Variants in B9D1 observed in about 807,000 individuals in gnomAD.
B9D1 encodes the protein B9 domain-containing protein 1.
In B9D1, 20 loss-of-function variants were observed where a neutral mutation model predicts 26.1. That is an observed-to-expected ratio of 0.77 (90% CI 0.54 to 1.12). The LOEUF is 1.12. B9D1 is among the 50% of genes most tolerant of loss of function. The probability of loss-of-function intolerance (pLI) is 0.00; values close to 1 mark genes in which losing one functional copy is unlikely to be tolerated. For missense variants in B9D1, 260 were observed against 273.7 expected, an observed-to-expected ratio of 0.95 and a Z score of 0.35; for synonymous variants, 105 against 103.1, an observed-to-expected ratio of 1.02 and a Z score of -0.11.
At chr17:19,360,681 C>A (rs1910936014) in intron 1 of B9D1, among the ~76,000 whole-genome samples, 1 of 152,188 alleles carries the variant, frequency 6.6e-6, no homozygotes, top group African/African-American at 2.4e-5. Flanking sequence ...CTTCAGGGAG[C>A]CTGCTCTAAC....
chr17:19,376,736 G>A (rs1030627615), intron 1 of B9D1, among the ~76,000 whole-genome samples: 1 of 148,188 alleles, frequency 6.7e-6, no homozygotes, highest in African/African-American at 2.5e-5. Context: ...GCAGTGAGCC[G>A]AGATCGCACC....
At position 19,370,859 on chromosome 17, in the gene B9D1, G is replaced by A. The variant is rs149433274; in HGVS notation, c.-298+7000C>T. 4.6e-3 allele frequency among the ~76,000 whole-genome samples: 695 copies of A among 152,298 alleles called. 3 individuals are homozygous for A. Among genetic ancestry groups the A allele is most frequent in the Non-Finnish European group, 7.6e-3 (515 of 68,008 alleles). ...CAGTCCCTTTCCCACGGGGAGGGCCGCATGCAAATGCCACACTGAGCTGAG... is the reference window on the plus strand; with the variant it reads ...CAGTCCCTTTCCCACGGGGAGGGCCACATGCAAATGCCACACTGAGCTGAG... On this transcript the variant is annotated intron_variant, in intron 1 of 5. Coordinates refer to the B9D1 transcript ENST00000477478. This position sits in a 1 kb window ranked among gnomAD's most constrained non-coding sequence, Gnocchi z 5.1.
In B9D1 at chr17:19,362,620, A is replaced by C. The variant is rs780359127; in HGVS notation, c.-51T>G. The stretch of plus-strand genomic sequence containing the variant: ...CCCACCTAGGCCGCGCGCGGTTGCT[A>C]AGAGACGCCGGCGTTGCCCTAGAAA... On this transcript the variant is annotated 5_prime_UTR_variant, in exon 1 of 7. Coordinates refer to ENST00000261499, the MANE Select transcript of B9D1 (RefSeq NM_015681.6). 3 of 1,569,708 alleles carry C rather than the reference A, an allele frequency of 1.9e-6. No homozygotes were observed. The African/African-American group carries it at 4.0e-5, about 21-fold the overall frequency.
downstream of B9D1, among the ~76,000 whole-genome samples, chr17:19,341,738 A>G (rs1907988254): frequency 6.6e-6 from 1 of 152,224 alleles, no homozygotes; most frequent in Admixed American, 6.5e-5. Flanking sequence ...GGTGCAGGGC[A>G]GGCGAAGGAA....
upstream of B9D1, among the ~76,000 whole-genome samples, chr17:19,366,299 A>G (rs999627139): frequency 2.3e-4 from 35 of 152,140 alleles, no homozygotes; most frequent in African/African-American, 8.4e-4. Context: ...GGCATCCTGC[A>G]TACAGACTTG....
chr17:19,357,515 GA>G, intron 3 of B9D1: 6 of 411,952 alleles, frequency 1.5e-5, no homozygotes, highest in South Asian at 1.3e-4. Flanking sequence ...AGCAGGCACA[GA>G]GTCAGGCCTC....
intron 3 of B9D1, among the ~76,000 whole-genome samples, chr17:19,349,127 T>C (rs892748389): frequency 5.3e-5 from 8 of 152,224 alleles, no homozygotes; most frequent in African/African-American, 1.2e-4. Flanking sequence ...CCAGCAGTGG[T>C]ATCTGATTCC....
intron 3 of B9D1, among the ~76,000 whole-genome samples, chr17:19,348,978 T>C (rs1909229519): frequency 6.6e-6 from 1 of 152,178 alleles, no homozygotes; most frequent in African/African-American, 2.4e-5. Flanking sequence ...CTGAGCACCA[T>C]GGCGCAGGCT....
intron 1 of B9D1, among the ~76,000 whole-genome samples, chr17:19,369,112 T>C (rs182065894): frequency 6.6e-6 from 1 of 152,272 alleles, no homozygotes; most frequent in East Asian, 1.9e-4. Context: ...ACATGAAGCA[T>C]GGCAAAGAGC....
chr17:19,376,181 A>C (rs1009619966), intron 1 of B9D1, among the ~76,000 whole-genome samples: 1 of 152,236 alleles, frequency 6.6e-6, no homozygotes, highest in Non-Finnish European at 1.5e-5. Flanking sequence ...GACAGAAAGT[A>C]GTTCAGTGGT....
In B9D1 at chr17:19,347,012, AG is replaced by A; in HGVS notation, c.404+256del. ...ATGAGCATTTTTCCCATCTGACAAG[AG>A]TTTTTCCTCTGCTCCCTCAGACACA... On this transcript the variant is annotated intron_variant, in intron 5 of 6. Transcript: ENST00000261499. The surrounding 1 kb of genome is among the most constrained non-coding windows in gnomAD (Gnocchi z 4.3). 1 of 1,541,986 alleles carries A rather than the reference AG, an allele frequency of 6.5e-7. No individual in the cohort carries two copies. The highest frequency in any genetic ancestry group is 1.2e-5 in the South Asian group (1 of 82,946).
At chr17:19,371,422 G>A (rs569166946) in intron 1 of B9D1, 4 of 152,336 alleles carry the variant, frequency 2.6e-5, no homozygotes, top group African/African-American at 9.6e-5. Context: ...CAGCCTTGGC[G>A]AGATTCCTTC....
intron 2 of B9D1, among the ~76,000 whole-genome samples, chr17:19,358,645 C>A (rs1355354948): frequency 6.6e-6 from 1 of 152,212 alleles, no homozygotes; most frequent in Non-Finnish European, 1.5e-5. Context: ...CTGGGTCTCT[C>A]CACTGCACAG....
rs926653216 is a variant in B9D1, at chr17:19,370,135, T to A, written c.-298+7724A>T. Among the ~76,000 whole-genome samples the A allele has an allele frequency of 1.1e-4, 17 of 152,242 alleles. No individual in the cohort carries two copies. Among genetic ancestry groups the A allele is most frequent in the Non-Finnish European group, 2.5e-4 (17 of 68,044 alleles). On this transcript the variant is annotated intron_variant, in intron 1 of 5. Transcript: ENST00000477478. The surrounding 1 kb of genome is among the most constrained non-coding windows in gnomAD (Gnocchi z 5.1). The stretch of plus-strand genomic sequence containing the variant: ...CACCGACGGCCACCTCCCATCGCCC[T>A]TTCATTCTTCATGGGCAGGGCCTTG...
chr17:19,365,974 C>T (rs868175893), upstream of B9D1, among the ~76,000 whole-genome samples: 1 of 151,568 alleles, frequency 6.6e-6, no homozygotes, highest in South Asian at 2.1e-4. The surrounding 1 kb of genome is among the most constrained non-coding windows in gnomAD (Gnocchi z 5.0). Flanking sequence ...ACATGCTGTT[C>T]CTTCTACCTA....
Position 19,372,859 on chromosome 17 carries a change from A to G in B9D1, c.-298+5000T>C, listed in dbSNP as rs982734066. ...CTCGGACAATTCACCTGCGCTCCTCAAAGTTTTTAACCACACCCACTCTTG... is the reference window on the plus strand; with the variant it reads ...CTCGGACAATTCACCTGCGCTCCTCGAAGTTTTTAACCACACCCACTCTTG... On this transcript the variant is annotated intron_variant, in intron 1 of 5. Coordinates refer to the B9D1 transcript ENST00000477478. The surrounding 1 kb of genome is among the most constrained non-coding windows in gnomAD (Gnocchi z 4.4). 6.6e-6 allele frequency among the ~76,000 whole-genome samples: 1 copy of G among 152,192 alleles called. No individual in the cohort carries two copies. The highest frequency in any genetic ancestry group is 6.5e-5 in the Admixed American group (1 of 15,286).
intron 3 of B9D1, among the ~76,000 whole-genome samples, chr17:19,354,828 G>A (rs963538054): frequency 6.6e-6 from 1 of 151,790 alleles, no homozygotes; most frequent in Non-Finnish European, 1.5e-5. Flanking sequence ...ACTCCGTCTC[G>A]AAAAAAAGAG....
upstream of B9D1, chr17:19,364,471 C>G (rs1312169022): frequency 6.6e-6 from 1 of 152,314 alleles, no homozygotes; most frequent in Non-Finnish European, 1.5e-5. This position sits in a 1 kb window ranked among gnomAD's most constrained non-coding sequence, Gnocchi z 4.3. Flanking sequence ...GCCTGGTGTA[C>G]TAGAAGTCCT....
chr17:19,357,598 G>A (rs748266899), intron 3 of B9D1: 1 of 556,530 alleles, frequency 1.8e-6, no homozygotes, highest in Non-Finnish European at 3.3e-6. Context: ...CACTAGCCCT[G>A]ATGCACTCTG....
Sources: gnomAD v4.1 joint callset for allele counts (sites outside exome capture counted in the v4.1 genomes callset) on GRCh38, gnomAD v4.1.1 for gene constraint, Gnocchi (gnomAD v3.1) non-coding constraint, MANE v1.5 for transcripts, NCBI Gene and HGNC (gene_info 2026-07-23, HGNC 2026-07-21) for gene names.